ABCA13: variants seen among roughly 807,000 people sequenced by gnomAD.
ABCA13 encodes ATP binding cassette subfamily A member 13.
A neutral mutation model predicts 478.7 loss-of-function variants in ABCA13; 476 were observed. The ratio of observed to expected loss-of-function variants is 0.99; its 90% confidence interval spans 0.92 to 1.07. ABCA13 has a LOEUF of 1.07. ABCA13 is among the 50% of genes least tolerant of loss of function. ABCA13 has a pLI of 0.00. For missense variants in ABCA13, 6,060 were observed against 5,910.6 expected (o/e 1.03, Z -0.83); for synonymous variants, 2,252 against 2,158.9 (o/e 1.04, Z -1.20).
chr7:48,302,561 T>G (rs1584735626), intron 23 of ABCA13, among the ~76,000 whole-genome samples: 1 of 152,322 alleles, frequency 6.6e-6, no homozygotes, highest in African/African-American at 2.4e-5. Flanking sequence ...GTGTTCTCAT[T>G]ATTTAGCTCC....
intron 58 of ABCA13, among the ~76,000 whole-genome samples, chr7:48,605,696 T>A (rs1791398520): frequency 6.6e-6 from 1 of 152,182 alleles, no homozygotes; most frequent in African/African-American, 2.4e-5. Context: ...TGTCTTGGGG[T>A]TGCTCTTCTC....
At chr7:48,435,466 G>T (rs1822707310) in intron 42 of ABCA13, among the ~76,000 whole-genome samples, 1 of 151,736 alleles carries the variant, frequency 6.6e-6, no homozygotes, top group African/African-American at 2.4e-5. Flanking sequence ...TGCAAACAAA[G>T]ATAATTTTAC....
intron 32 of ABCA13, 102 bp downstream of exon 32, chr7:48,368,010 T>C: frequency 1.3e-6 from 1 of 797,494 alleles, no homozygotes; most frequent in Non-Finnish European, 2.0e-6. Flanking sequence ...CTGTTTTGCT[T>C]CCCTCTCCTC....
chr7:48,356,204 C>T (rs1403365273), intron 31 of ABCA13, among the ~76,000 whole-genome samples: 1 of 151,746 alleles, frequency 6.6e-6, no homozygotes, highest in Non-Finnish European at 1.5e-5. Context: ...GACAGATAAT[C>T]GACCATTGGA....
chr7:48,573,801 C>T (rs1355896131), intron 55 of ABCA13, among the ~76,000 whole-genome samples: 1 of 152,086 alleles, frequency 6.6e-6, no homozygotes, highest in East Asian at 1.9e-4. Context: ...AATTTATTCT[C>T]TCATGGTTCT....
At chr7:48,357,911 A>G (rs1280298964) in intron 31 of ABCA13, among the ~76,000 whole-genome samples, 1 of 151,636 alleles carries the variant, frequency 6.6e-6, no homozygotes, top group Admixed American at 6.6e-5. Context: ...TGGGAGGCCG[A>G]GGCGGGCAGA....
chr7:48,490,890 G>T (rs922097333), intron 48 of ABCA13, among the ~76,000 whole-genome samples: 1 of 152,186 alleles, frequency 6.6e-6, no homozygotes, highest in Non-Finnish European at 1.5e-5. Context: ...TGATTAAAGG[G>T]AGAAGACTGG....
At chr7:48,615,517 G>A (rs1792483743) in intron 59 of ABCA13, 140 bp downstream of exon 59, 9 of 652,440 alleles carry the variant, frequency 1.4e-5, no homozygotes, top group South Asian at 4.9e-5. Context: ...GCTCTGAGGG[G>A]ATAAAATACT....
chr7:48,583,605 C>T (rs980319251), intron 56 of ABCA13, among the ~76,000 whole-genome samples: 35 of 152,160 alleles, frequency 2.3e-4, no homozygotes, highest in Admixed American at 1.9e-3. Context: ...CCAATGCATC[C>T]GCAAACGAAA....
chr7:48,525,586 TA>T (rs1832831631), intron 54 of ABCA13, among the ~76,000 whole-genome samples: 1 of 151,032 alleles, frequency 6.6e-6, no homozygotes. Context: ...CATGTAGAAA[TA>T]TGGTTGGACA....
chr7:48,179,021 T>TAAA (rs1200274685), intron 1 of ABCA13, among the ~76,000 whole-genome samples: 3 of 139,236 alleles, frequency 2.2e-5, no homozygotes, highest in South Asian at 2.3e-4. Context: ...ATAATAATAA[T>TAAA]AAAAACAAAG....
At chr7:48,503,651 G>C (rs1830948511) in intron 48 of ABCA13, among the ~76,000 whole-genome samples, 1 of 152,092 alleles carries the variant, frequency 6.6e-6, no homozygotes, top group Non-Finnish European at 1.5e-5. Flanking sequence ...GTTCCATTAT[G>C]TGCATGAATA....
chr7:48,631,212 T>G (rs1039385289), intron 59 of ABCA13, among the ~76,000 whole-genome samples: 1 of 152,160 alleles, frequency 6.6e-6, no homozygotes, highest in African/African-American at 2.4e-5. Context: ...TTTTGAGGAC[T>G]TAGTCATAAA....
chr7:48,312,162 G>A (rs139952739), intron 24 of ABCA13, among the ~76,000 whole-genome samples: 1 of 152,304 alleles, frequency 6.6e-6, no homozygotes, highest in East Asian at 1.9e-4. Flanking sequence ...CATCTGCAGA[G>A]CTAACAGCTA....
intron 32 of ABCA13, among the ~76,000 whole-genome samples, chr7:48,368,714 T>TAC (rs1554475187): frequency 9.9e-4 from 117 of 118,564 alleles, no homozygotes; most frequent in Non-Finnish European, 1.3e-3. Context: ...TATATATATA[T>TAC]ACACATACAC....
intron 55 of ABCA13, among the ~76,000 whole-genome samples, chr7:48,545,738 G>A (rs1218296378): frequency 2.0e-5 from 3 of 148,490 alleles, no homozygotes; most frequent in Non-Finnish European, 4.5e-5. Flanking sequence ...CATGATATGA[G>A]AGAGAATAGA....
intron 45 of ABCA13, among the ~76,000 whole-genome samples, chr7:48,479,145 T>C (rs915541759): frequency 9.3e-5 from 14 of 150,822 alleles, no homozygotes; most frequent in African/African-American, 3.4e-4. Context: ...AGTGACGGGG[T>C]TTCACCGTGT....
intron 35 of ABCA13, among the ~76,000 whole-genome samples, chr7:48,387,547 A>C (rs982649677): frequency 1.2e-4 from 18 of 152,162 alleles, no homozygotes; most frequent in African/African-American, 3.9e-4. Flanking sequence ...TTATCCAAAA[A>C]GCATGTATTG....
intron 50 of ABCA13, 108 bp from the exon 51 acceptor site, chr7:48,510,976 A>C: frequency 1.1e-6 from 1 of 936,966 alleles, no homozygotes; most frequent in Non-Finnish European, 1.7e-6. Context: ...AATGTGCAAA[A>C]TAGGAAATAT....
Sources: gnomAD v4.1 joint callset for allele counts (sites outside exome capture counted in the v4.1 genomes callset) on GRCh38, gnomAD v4.1.1 for gene constraint, MANE v1.5 for transcripts, NCBI Gene and HGNC (gene_info 2026-07-23, HGNC 2026-07-21) for gene names.